Variants in CPXM2 observed in about 807,000 individuals in gnomAD.
CPXM2 encodes carboxypeptidase X, M14 family member 2.
In CPXM2, 66 loss-of-function variants were observed where a neutral mutation model predicts 86.1. That is an observed-to-expected ratio of 0.77 (90% CI 0.63 to 0.94). The LOEUF (loss-of-function observed/expected upper bound fraction) is 0.94. Among genes scored for constraint, CPXM2 ranks in the 40% least tolerant of loss-of-function variants. The probability of loss-of-function intolerance (pLI) is 0.00; values close to 1 mark genes in which losing one functional copy is unlikely to be tolerated. For synonymous variants in CPXM2, 388 were observed against 400.2 expected (o/e 0.97, Z 0.36); for missense variants, 948 against 1,026.3 (o/e 0.92, Z 1.04).
rs1253851486 is a variant in CPXM2 at position 123,794,990 on chromosome 10, G to A, written c.889+2986C>T. 5.9e-5 allele frequency among the ~76,000 whole-genome samples: 9 copies of A among 152,058 alleles called. 1 individual carries two copies. The highest frequency in any genetic ancestry group is 1.7e-4 in the African/African-American group (7 of 41,370). On this transcript the variant is annotated intron_variant, in intron 6 of 13. Transcript: ENST00000241305. ...TCAGCATGTTGGCCAGGCTGGTCTCGAACTCCTGACCTCAAGTGATCCACC... is the reference window on the plus strand; with the variant it reads ...TCAGCATGTTGGCCAGGCTGGTCTCAAACTCCTGACCTCAAGTGATCCACC...
chr10:123,788,520 C>G (rs1460917563), intron 6 of CPXM2, among the ~76,000 whole-genome samples: 1 of 152,190 alleles, frequency 6.6e-6, no homozygotes, highest in Non-Finnish European at 1.5e-5. Flanking sequence ...GGGAAGGCAT[C>G]AGAGCTAGCA....
intron 3 of CPXM2, among the ~76,000 whole-genome samples, chr10:123,859,218 C>A (rs1013144110): frequency 2.0e-5 from 3 of 152,248 alleles, no homozygotes; most frequent in Non-Finnish European, 4.4e-5. Flanking sequence ...CCCATTAGCT[C>A]AACACGCCTA....
intron 4 of CPXM2, among the ~76,000 whole-genome samples, chr10:123,814,603 A>G (rs1193284486): frequency 6.6e-6 from 1 of 151,804 alleles, no homozygotes; most frequent in Admixed American, 6.5e-5. Flanking sequence ...TTAACGATGG[A>G]GTTCTTTCAT....
chr10:123,763,735 G>A (rs772974522), intron 10 of CPXM2, among the ~76,000 whole-genome samples: 8 of 151,738 alleles, frequency 5.3e-5, no homozygotes, highest in South Asian at 4.2e-4. Context: ...CTTAGATGAC[G>A]GGCATTGGTA....
At chr10:123,826,114 A>G (rs1848040745) in intron 4 of CPXM2, among the ~76,000 whole-genome samples, 1 of 152,248 alleles carries the variant, frequency 6.6e-6, no homozygotes. Flanking sequence ...ACTATGAGGT[A>G]TCATTATTAT....
chr10:123,809,511 C>T (rs1165794156), intron 4 of CPXM2, among the ~76,000 whole-genome samples: 1 of 151,926 alleles, frequency 6.6e-6, no homozygotes, highest in Non-Finnish European at 1.5e-5. Flanking sequence ...AGGTCCCACT[C>T]TAAGATATAT....
At chr10:123,758,841 C>T (rs1023724030) in intron 11 of CPXM2, among the ~76,000 whole-genome samples, 1 of 152,126 alleles carries the variant, frequency 6.6e-6, no homozygotes, top group Non-Finnish European at 1.5e-5. Flanking sequence ...GTGTTCTGTG[C>T]CTTGGACAAC....
chr10:123,894,918 C>T (rs74162969), upstream of CPXM2, among the ~76,000 whole-genome samples: 1,734 of 152,136 alleles, frequency 0.011, 34 homozygotes, highest in African/African-American at 0.039. Context: ...ACTCTTCCTT[C>T]AAGGCAACAA....
rs1196359293 is a variant in CPXM2 at position 123,857,609 on chromosome 10, CGTGG to C, written c.513+5001_513+5004del. Among the ~76,000 whole-genome samples, 112 of 138,432 alleles carry C rather than the reference CGTGG, an allele frequency of 8.1e-4. 1 individual carries two copies. The highest frequency in any genetic ancestry group is 9.0e-4 in the Non-Finnish European group (56 of 61,990). 90.8% of individuals were successfully genotyped at this position (138,432 alleles called of 152,430 possible). A position where few individuals can be genotyped will look rare whatever the true frequency, so the allele number is the denominator to read the frequency against. ...AAGGCGGCGTGGAGATGGAAGGCGG[CGTGG>C]AGATGGAAGGCGGCGTGGAGATGGA... On this transcript the variant is annotated intron_variant, in intron 3 of 13. Transcript: ENST00000241305.
At position 123,891,700 on chromosome 10, in the gene CPXM2, G is replaced by A. The variant is rs946162525; in HGVS notation, c.-41C>T. 10 of 1,291,298 alleles carry A rather than the reference G, an allele frequency of 7.7e-6. No individual in the cohort carries two copies. The East Asian group carries it at 2.2e-4, about 29-fold the overall frequency. 80.0% of individuals were successfully genotyped at this position (1,291,298 alleles called of 1,614,324 possible). ...CGCCCAGGGCAGGGTCACGGTCACC[G>A]GGGGCGCCGGGCGGGCTGCGGGCGC... On this transcript the variant is annotated 5_prime_UTR_variant, in exon 1 of 14. Coordinates refer to ENST00000241305, the MANE Select transcript of CPXM2 (RefSeq NM_198148.3). This position sits in a 1 kb window ranked among gnomAD's most constrained non-coding sequence, Gnocchi z 5.6.
At chr10:123,893,010 G>GA (rs1466755717), upstream of CPXM2, among the ~76,000 whole-genome samples, 4 of 152,240 alleles carry the variant, frequency 2.6e-5, no homozygotes, top group Non-Finnish European at 5.9e-5. Flanking sequence ...GCTTTTAAGA[G>GA]AGTGTGAATA....
chr10:123,863,689 A>T (rs1427279539), intron 2 of CPXM2, among the ~76,000 whole-genome samples: 2 of 152,158 alleles, frequency 1.3e-5, no homozygotes, highest in African/African-American at 4.8e-5. Context: ...GGCCTCCAAC[A>T]GCCCTGCCTC....
At chr10:123,785,790 G>A (rs140007933) in intron 6 of CPXM2, among the ~76,000 whole-genome samples, 23 of 152,014 alleles carry the variant, frequency 1.5e-4, no homozygotes, top group African/African-American at 5.1e-4. Flanking sequence ...TCGCCACCAC[G>A]CCTGGCTAAA....
chr10:123,748,469 A>G (rs75435339), intron 13 of CPXM2, among the ~76,000 whole-genome samples: 92 of 152,270 alleles, frequency 6.0e-4, no homozygotes, highest in African/African-American at 2.1e-3. Context: ...TCTAATCTCA[A>G]TTCATCCAAG....
At chr10:123,836,267 TC>T (rs915523994) in intron 4 of CPXM2, among the ~76,000 whole-genome samples, 2 of 151,474 alleles carry the variant, frequency 1.3e-5, no homozygotes, top group Admixed American at 1.3e-4. Flanking sequence ...CCCTGTGGGG[TC>T]CTCAAATAGG....
intron 1 of CPXM2, among the ~76,000 whole-genome samples, chr10:123,890,854 A>G (rs28445838): frequency 0.42 from 63,474 of 151,952 alleles, 13,561 homozygotes; most frequent in African/African-American, 0.48. Context: ...AGGACCCAAG[A>G]GACCCGCTGA....
intron 5 of CPXM2, 126 bp from the exon 6 acceptor site, chr10:123,798,252 A>AC: frequency 1.3e-5 from 8 of 611,228 alleles, no homozygotes; most frequent in East Asian, 7.2e-5. Context: ...TGCATTGAAA[A>AC]GAAAAAAAAA....
At chr10:123,899,232 G>T (rs1945362523) in intron 2 of CPXM2, among the ~76,000 whole-genome samples, 1 of 145,222 alleles carries the variant, frequency 6.9e-6, no homozygotes, top group Admixed American at 7.3e-5. Context: ...GAATCCAATA[G>T]CTTATTTTTT....
intron 2 of CPXM2, among the ~76,000 whole-genome samples, chr10:123,900,583 G>T (rs571358461): frequency 3.4e-4 from 52 of 152,264 alleles, no homozygotes; most frequent in African/African-American, 1.2e-3. Flanking sequence ...ATGACGGTGT[G>T]GAGTTTTGGG....
Sources: allele counts gnomAD v4.1 joint callset (sites outside exome capture counted in the v4.1 genomes callset), GRCh38; gene constraint gnomAD v4.1.1; non-coding constraint Gnocchi (gnomAD v3.1); transcripts MANE v1.5; gene names NCBI Gene and HGNC (gene_info 2026-07-23, HGNC 2026-07-21).